The following DNAH14 variants were observed in gnomAD, a reference collection of about 807,000 sequenced individuals.
DNAH14 encodes the protein axonemal beta dynein heavy chain 14.
A neutral mutation model predicts 520.9 loss-of-function variants in DNAH14; 478 were observed. That is an observed-to-expected ratio of 0.92 (90% CI 0.85 to 0.99). DNAH14 has a LOEUF of 0.99. DNAH14 is among the 50% of genes least tolerant of loss of function. DNAH14 has a pLI of 0.00. For missense variants in DNAH14, 4,831 were observed against 5,234.5 expected, an observed-to-expected ratio of 0.92 and a Z score of 2.38; for synonymous variants, 1,581 against 1,757.2, an observed-to-expected ratio of 0.90 and a Z score of 2.51.
At chr1:225,001,762 G>A (rs968054212) in intron 8 of DNAH14, among the ~76,000 whole-genome samples, 1 of 152,078 alleles carries the variant, frequency 6.6e-6, no homozygotes, top group Non-Finnish European at 1.5e-5. Context: ...TACTGAGATT[G>A]TGTTTGCTTT....
At chr1:225,353,974 A>G (rs2095401785) in intron 73 of DNAH14, 86 bp downstream of exon 73, 1 of 794,170 alleles carries the variant, frequency 1.3e-6, no homozygotes, top group East Asian at 2.7e-5. Context: ...TTAAAATTTT[A>G]CAAGCAAAGT....
At chr1:225,293,458 T>C (rs2093937313) in intron 55 of DNAH14, among the ~76,000 whole-genome samples, 1 of 152,006 alleles carries the variant, frequency 6.6e-6, no homozygotes, top group Non-Finnish European at 1.5e-5. Flanking sequence ...AAAGAATATG[T>C]AGACATATAT....
At chr1:225,367,598 C>T (rs558290365) in intron 76 of DNAH14, among the ~76,000 whole-genome samples, 6 of 152,274 alleles carry the variant, frequency 3.9e-5, no homozygotes, top group South Asian at 2.1e-4. Context: ...AAATATGAAT[C>T]GGAACAATAG....
intron 3 of DNAH14, among the ~76,000 whole-genome samples, chr1:224,955,933 A>G (rs544150952): frequency 2.0e-5 from 3 of 152,076 alleles, no homozygotes; most frequent in South Asian, 4.2e-4. Flanking sequence ...TCATTCCTCA[A>G]CCTGGATTCT....
intron 44 of DNAH14, among the ~76,000 whole-genome samples, chr1:225,257,743 G>T (rs1245056669): frequency 6.6e-6 from 1 of 151,872 alleles, no homozygotes; most frequent in African/African-American, 2.4e-5. Context: ...CACCGCGTTA[G>T]CCAGGATGGT....
At chr1:225,313,499 C>T (rs1335636689) in intron 60 of DNAH14, among the ~76,000 whole-genome samples, 1 of 152,074 alleles carries the variant, frequency 6.6e-6, no homozygotes, top group South Asian at 2.1e-4. Flanking sequence ...AATTTGTTTG[C>T]TCTTGCTTCT....
chr1:225,267,443 A>G (rs1260150002), intron 49 of DNAH14, among the ~76,000 whole-genome samples: 3 of 151,614 alleles, frequency 2.0e-5, no homozygotes, highest in Admixed American at 6.6e-5. Context: ...ACAGGCGCCC[A>G]CCACCACGCC....
chr1:225,257,563 G>A (rs561682952), intron 44 of DNAH14, among the ~76,000 whole-genome samples: 8 of 146,786 alleles, frequency 5.5e-5, no homozygotes, highest in African/African-American at 1.5e-4. Flanking sequence ...TTTTTGAGAC[G>A]GAGTCTCTGT....
At chr1:225,272,223 G>GA (rs1415409712) in intron 51 of DNAH14, 150 bp downstream of exon 51, 2 of 714,846 alleles carry the variant, frequency 2.8e-6, no homozygotes, top group Admixed American at 6.5e-5. Context: ...GTTAGTTGAA[G>GA]AAAAAATTGT....
At chr1:225,045,263 T>C (rs2067847903) in intron 15 of DNAH14, among the ~76,000 whole-genome samples, 1 of 151,732 alleles carries the variant, frequency 6.6e-6, no homozygotes, top group South Asian at 2.1e-4. Flanking sequence ...GAAATGTTTC[T>C]ACTGTTTTTT....
chr1:225,271,915 G>A lies in DNAH14; in HGVS notation c.7681G>A (p.Gly2561Arg). The A allele has an allele frequency of 6.5e-7, 1 of 1,541,372 alleles. No individual in the cohort carries two copies. The highest frequency in any genetic ancestry group is 2.1e-5 in the Admixed American group (1 of 47,568). ...ILCTIFQAHL[G>R]IYFSINNFTP... ...ACATTTCTTTTTAAAGGCTCATTTG[G>A]GAATTTATTTCTCCATCAATAACTT... The change falls in exon 51 of 86, where the codon GGA becomes AGA. Residue 2561 changes from glycine (G) to arginine (R), a missense_variant. Gly to Arg is a moderately radical substitution (Grantham distance 125, BLOSUM62 -2). Transcript: ENST00000682510.
chr1:225,318,631 A>G lies in DNAH14; in HGVS notation c.9289A>G (p.Ile3097Val), dbSNP rs556792790. 3 of 1,550,550 alleles carry G rather than the reference A, an allele frequency of 1.9e-6. No homozygotes were observed. Among genetic ancestry groups the G allele is most frequent in the South Asian group, 2.4e-5 (2 of 83,570 alleles). The change falls in exon 61 of 86, where the codon ATT becomes GTT. Residue 3097 changes from isoleucine (I) to valine (V), a missense_variant. Transcript: ENST00000682510. The stretch of plus-strand genomic sequence containing the variant: ...TGTGCTGCCAGCCTTTGACAAGGCA[A>G]TTGTGGCTCTGAATGCCCTGGATAA... ...KSVLPAFDKA[I>V]VALNALDKAD...
At chr1:225,087,417 GT>G (rs1214597604) in intron 21 of DNAH14, among the ~76,000 whole-genome samples, 1 of 152,214 alleles carries the variant, frequency 6.6e-6, no homozygotes, top group Non-Finnish European at 1.5e-5. Context: ...TGGCACTTGA[GT>G]TTCAATATGG....
chr1:225,100,902 C>G lies in DNAH14; in HGVS notation c.3867+18C>G. On this transcript the variant is annotated intron_variant, in intron 23 of 85. Coordinates refer to ENST00000682510, the MANE Select transcript of DNAH14 (RefSeq NM_001367479.1). ...GCCTTGAGGTAAAACTATAGCAATT[C>G]TAAAGCAGTGAATCATTTAACAAAA... The G allele has an allele frequency of 6.9e-7, 1 of 1,459,344 alleles. No individual in the cohort carries two copies. Among genetic ancestry groups the G allele is most frequent in the Non-Finnish European group, 9.1e-7 (1 of 1,104,834 alleles). 90.4% of individuals were successfully genotyped at this position (1,459,344 alleles called of 1,614,324 possible).
intron 42 of DNAH14, among the ~76,000 whole-genome samples, chr1:225,239,420 G>T (rs147422930): frequency 6.6e-6 from 1 of 152,130 alleles, no homozygotes; most frequent in Admixed American, 6.5e-5. Context: ...CTTGGCTGGG[G>T]GTGGAAGGGG....
rs557686043 is a variant in DNAH14, at chr1:225,347,731, C to A, written c.11296+1077C>A. On this transcript the variant is annotated intron_variant, in intron 71 of 85. Transcript: ENST00000682510. The stretch of plus-strand genomic sequence containing the variant: ...TGATTGGTGAGGGTTTTCCCCTGCA[C>A]GAAGCCAATACCAAAGACTGGGAAA... 3.6e-4 allele frequency among the ~76,000 whole-genome samples: 54 copies of A among 152,002 alleles called. 1 individual carries two copies. The highest frequency in any genetic ancestry group is 2.6e-4 in the Admixed American group (4 of 15,240).
intron 29 of DNAH14, among the ~76,000 whole-genome samples, chr1:225,145,089 G>A (rs2079813638): frequency 6.6e-6 from 1 of 152,082 alleles, no homozygotes; most frequent in African/African-American, 2.4e-5. Context: ...TTTATTCATA[G>A]ATTTATGTAA....
chr1:224,989,953 G>T (rs1399863712), intron 8 of DNAH14, among the ~76,000 whole-genome samples: 2 of 151,468 alleles, frequency 1.3e-5, no homozygotes, highest in Non-Finnish European at 2.9e-5. Flanking sequence ...ATATTTTAGA[G>T]AATTTTCTTG....
chr1:225,327,795 G>A (rs957797810), intron 64 of DNAH14, among the ~76,000 whole-genome samples: 2 of 151,878 alleles, frequency 1.3e-5, no homozygotes, highest in African/African-American at 4.8e-5. Context: ...TTGGTTACTT[G>A]AAGAGATCAT....
Sources: allele counts gnomAD v4.1 joint callset (sites outside exome capture counted in the v4.1 genomes callset), GRCh38; gene constraint gnomAD v4.1.1; transcripts MANE v1.5; gene names NCBI Gene and HGNC (gene_info 2026-07-23, HGNC 2026-07-21).